Variants in TMEM40 observed in about 807,000 individuals in gnomAD.
The protein encoded by TMEM40 is transmembrane protein 40.
A neutral mutation model predicts 40.8 loss-of-function variants in TMEM40; 34 were observed. The ratio of observed to expected loss-of-function variants is 0.83; its 90% CI spans 0.63 to 1.11. TMEM40 has a LOEUF of 1.11. Among genes scored for constraint, TMEM40 ranks in the 50% least tolerant of loss-of-function variants. The pLI is 0.00. For synonymous variants in TMEM40, 106 were observed against 107.0 expected, an observed-to-expected ratio of 0.99 and a Z score of 0.06; for missense variants, 296 against 280.2, an observed-to-expected ratio of 1.06 and a Z score of -0.40.
At chr3:12,745,481 C>G (rs1256862704) in intron 3 of TMEM40, among the ~76,000 whole-genome samples, 2 of 152,150 alleles carry the variant, frequency 1.3e-5, no homozygotes, top group Non-Finnish European at 2.9e-5. Context: ...CAGGGTCTCA[C>G]TCTGTCATCA....
At chr3:12,759,509 A>C (rs3773335), upstream of TMEM40, 8,004 of 152,446 alleles carry the variant, frequency 0.053, 280 homozygotes, top group East Asian at 0.19. Context: ...AAATGGGGGC[A>C]GCTGTGCCAC....
At chr3:12,768,439 A>G (rs1182062905) in intron 1 of TMEM40, among the ~76,000 whole-genome samples, 5 of 152,168 alleles carry the variant, frequency 3.3e-5, no homozygotes, top group African/African-American at 1.2e-4. Context: ...GTCCGTTTTG[A>G]CAGGGTGCTG....
intron 11 of TMEM40, 59 bp from the exon 12 acceptor site, chr3:12,734,852 C>T: frequency 6.4e-7 from 1 of 1,564,686 alleles, no homozygotes; most frequent in Non-Finnish European, 8.7e-7. Flanking sequence ...GCTTCATCCC[C>T]ACCATCACCT....
chr3:12,743,862 G>C (rs762726308), intron 4 of TMEM40, 38 bp downstream of exon 4: 2 of 1,589,310 alleles, frequency 1.3e-6, no homozygotes. Flanking sequence ...AACGGTGAGC[G>C]AGTGGGCAAA....
chr3:12,750,142 CTT>C (rs386395973), intron 1 of TMEM40, among the ~76,000 whole-genome samples: 3,708 of 142,178 alleles, frequency 0.026, 141 homozygotes, highest in African/African-American at 0.087. Context: ...TTTTCTTTTT[CTT>C]TTTTTTTTTT....
chr3:12,756,304 A>G (rs1182983231), intron 1 of TMEM40, among the ~76,000 whole-genome samples: 1 of 152,178 alleles, frequency 6.6e-6, no homozygotes, highest in East Asian at 1.9e-4. Flanking sequence ...GCTAACGGCC[A>G]CCATACTTGT....
chr3:12,760,186 C>T (rs9865381), upstream of TMEM40, among the ~76,000 whole-genome samples: 58,990 of 152,020 alleles, frequency 0.39, 12,353 homozygotes, highest in Non-Finnish European at 0.48. Flanking sequence ...CAGCCAGTGT[C>T]AACACTGGGC....
chr3:12,762,943 A>C (rs1170195064), upstream of TMEM40, among the ~76,000 whole-genome samples: 1 of 152,068 alleles, frequency 6.6e-6, no homozygotes, highest in African/African-American at 2.4e-5. Context: ...GTGGATCACG[A>C]GGTCAGGAGA....
At chr3:12,754,112 A>G (rs59796456) in intron 1 of TMEM40, among the ~76,000 whole-genome samples, 23,995 of 152,150 alleles carry the variant, frequency 0.16, 1,905 homozygotes, top group East Asian at 0.21. Flanking sequence ...GGAGATCGAG[A>G]CCATCCTGGC....
intron 1 of TMEM40, among the ~76,000 whole-genome samples, chr3:12,766,293 G>T (rs1012253725): frequency 6.6e-6 from 1 of 151,902 alleles, no homozygotes; most frequent in African/African-American, 2.4e-5. Context: ...GAATAAAACT[G>T]CTATAAATAT....
At chr3:12,743,436 C>G (rs1425845255) in intron 4 of TMEM40, among the ~76,000 whole-genome samples, 1 of 152,046 alleles carries the variant, frequency 6.6e-6, no homozygotes, top group Non-Finnish European at 1.5e-5. Flanking sequence ...CATTGCACTC[C>G]AGCCTGGGCA....
intron 1 of TMEM40, among the ~76,000 whole-genome samples, chr3:12,767,312 C>T (rs1045534830): frequency 1.4e-4 from 21 of 151,938 alleles, no homozygotes; most frequent in African/African-American, 4.1e-4. Context: ...AAAAATTTGG[C>T]CTCCAGGACA....
chr3:12,761,365 G>T (rs2061567424), upstream of TMEM40, among the ~76,000 whole-genome samples: 1 of 152,206 alleles, frequency 6.6e-6, no homozygotes, highest in South Asian at 2.1e-4. Context: ...AGCACTTTGG[G>T]AGGCTGAGGC....
rs544025785 is a variant in TMEM40 at position 12,754,518 on chromosome 3, A to G, written c.-9+4673T>C. Among the ~76,000 whole-genome samples, 5 of 152,336 alleles carry G rather than the reference A, an allele frequency of 3.3e-5. No homozygotes were observed. In the South Asian group the frequency reaches 1.0e-3, roughly 32 times the overall value. On this transcript the variant is annotated intron_variant, in intron 1 of 11. Coordinates refer to ENST00000314124, the MANE Select transcript of TMEM40 (RefSeq NM_018306.4). ...ACAACCAATGTTTGTTAAAGTGGCA[A>G]TATAAGCCAACAAGGTGATATAGCT... is the stretch of plus-strand genomic sequence containing the variant.
At chr3:12,768,428 G>A (rs1355840231) in intron 1 of TMEM40, among the ~76,000 whole-genome samples, 1 of 152,146 alleles carries the variant, frequency 6.6e-6, no homozygotes, top group Non-Finnish European at 1.5e-5. Flanking sequence ...AGAGCCGATT[G>A]GTCCGTTTTG....
chr3:12,747,412 T>G (rs2061437685), intron 3 of TMEM40, among the ~76,000 whole-genome samples: 1 of 152,178 alleles, frequency 6.6e-6, no homozygotes, highest in African/African-American at 2.4e-5. Context: ...CTGGGAATAA[T>G]AATAGTACCT....
At chr3:12,746,103 GGCCAGGCT>G (rs941360906) in intron 3 of TMEM40, among the ~76,000 whole-genome samples, 4 of 151,596 alleles carry the variant, frequency 2.6e-5, no homozygotes, top group Non-Finnish European at 4.4e-5. Context: ...TCACCATGTT[GGCCAGGCT>G]GGTCTTGAAC....
chr3:12,739,429 C>T (rs2061364051), intron 5 of TMEM40, among the ~76,000 whole-genome samples: 2 of 151,822 alleles, frequency 1.3e-5, no homozygotes, highest in Non-Finnish European at 2.9e-5. Flanking sequence ...GGACTACAGG[C>T]GCCCGCCACC....
rs972914916 is a variant in TMEM40, at chr3:12,734,757, C to T, written c.*17G>A. On this transcript the variant is annotated 3_prime_UTR_variant, in exon 12 of 12. Transcript: ENST00000314124. The stretch of plus-strand genomic sequence containing the variant: ...GTCACACTGGGGCCTGCCTCTGCTG[C>T]CCACCTGGAAGTGGCCTCAGTCAGT... The T allele has an allele frequency of 6.3e-7, 1 of 1,591,934 alleles. No individual in the cohort carries two copies. The highest frequency in any genetic ancestry group is 8.5e-7 in the Non-Finnish European group (1 of 1,170,060).
Sources: allele counts gnomAD v4.1 joint callset (sites outside exome capture counted in the v4.1 genomes callset), GRCh38; gene constraint gnomAD v4.1.1; transcripts MANE v1.5; gene names NCBI Gene and HGNC (gene_info 2026-07-23, HGNC 2026-07-21).